Variants in DYNC2I1 observed in about 807,000 individuals in gnomAD.
DYNC2I1 encodes cytoplasmic dynein 2 intermediate chain 1.
In DYNC2I1, 89 loss-of-function variants were observed where a neutral mutation model predicts 133.4. That is an observed-to-expected ratio of 0.67 (90% CI 0.56 to 0.80). The LOEUF (loss-of-function observed/expected upper bound fraction) is 0.80. Among genes scored for constraint, DYNC2I1 ranks in the 30% least tolerant of loss-of-function variants. The pLI, the probability that DYNC2I1 is intolerant of heterozygous loss-of-function variation, is 0.00. For synonymous variants in DYNC2I1, 504 were observed against 484.3 expected (o/e 1.04, Z -0.54); for missense variants, 1,291 against 1,314.5 (o/e 0.98, Z 0.28).
intron 12 of DYNC2I1, among the ~76,000 whole-genome samples, chr7:158,912,713 A>C (rs757495003): frequency 6.6e-6 from 1 of 152,254 alleles, no homozygotes; most frequent in Non-Finnish European, 1.5e-5. Flanking sequence ...TTGCAAAACC[A>C]GCATGTCCTA....
intron 4 of DYNC2I1, among the ~76,000 whole-genome samples, chr7:158,878,325 A>T (rs1227208511): frequency 7.5e-6 from 1 of 132,648 alleles, no homozygotes; most frequent in Non-Finnish European, 1.6e-5. Context: ...AGGAGGGCCG[A>T]CTGTGAGTGC....
At position 158,866,223 on chromosome 7, in the gene DYNC2I1, CCCA is replaced by C. The variant is rs66518959; in HGVS notation, c.16-3630_16-3628del. Among the ~76,000 whole-genome samples, 639 of 152,182 alleles carry C rather than the reference CCCA, an allele frequency of 4.2e-3. 4 individuals carry two copies. The highest frequency in any genetic ancestry group is 7.7e-3 in the Non-Finnish European group (523 of 68,006). On this transcript the variant is annotated intron_variant, in intron 1 of 24. Coordinates refer to ENST00000407559, the MANE Select transcript of DYNC2I1 (RefSeq NM_018051.5). ...TCCTCAGCGTCCCCTGTGTGCAGCG[CCCA>C]CGTCTCCTGGTTGAACTGTCCCCTA...
intron 14 of DYNC2I1, among the ~76,000 whole-genome samples, chr7:158,917,220 A>G (rs1196478937): frequency 8.9e-6 from 1 of 112,558 alleles, no homozygotes; most frequent in East Asian, 2.0e-4. Flanking sequence ...GGTTGAGATT[A>G]AGGATGATTG....
intron 23 of DYNC2I1, among the ~76,000 whole-genome samples, chr7:158,937,140 G>A (rs1850839385): frequency 6.6e-6 from 1 of 152,104 alleles, no homozygotes; most frequent in Non-Finnish European, 1.5e-5. Context: ...TGATCTCCAA[G>A]ACAACACAGA....
At chr7:158,940,265 C>T (rs763085015) in intron 23 of DYNC2I1, among the ~76,000 whole-genome samples, 1 of 152,122 alleles carries the variant, frequency 6.6e-6, no homozygotes, top group Non-Finnish European at 1.5e-5. Flanking sequence ...ATTAGATTCT[C>T]ATGAGGAGAC....
At chr7:158,955,405 G>A (rs1852174865) in intron 4 of DYNC2I1, among the ~76,000 whole-genome samples, 1 of 152,228 alleles carries the variant, frequency 6.6e-6, no homozygotes, top group Non-Finnish European at 1.5e-5. Flanking sequence ...TCCAACAGCT[G>A]AATTAATCGG....
At chr7:158,855,490 CG>C (rs1371472956), upstream of DYNC2I1, among the ~76,000 whole-genome samples, 1 of 152,164 alleles carries the variant, frequency 6.6e-6, no homozygotes, top group African/African-American at 2.4e-5. Flanking sequence ...ACTCCTAAAA[CG>C]TAATTTCTAA....
intron 23 of DYNC2I1, among the ~76,000 whole-genome samples, chr7:158,937,398 G>A (rs530715690): frequency 5.3e-5 from 8 of 151,196 alleles, no homozygotes; most frequent in Admixed American, 1.3e-4. Context: ...AGGCCGAGGC[G>A]GGTGGATCAC....
chr7:158,863,443 G>A (rs967890085), intron 1 of DYNC2I1, among the ~76,000 whole-genome samples: 9 of 152,004 alleles, frequency 5.9e-5, no homozygotes, highest in Non-Finnish European at 1.2e-4. Flanking sequence ...CTGAACTCTA[G>A]CCTGGGTGAC....
chr7:158,857,156 A>G (rs184434137), intron 1 of DYNC2I1, among the ~76,000 whole-genome samples: 1 of 152,312 alleles, frequency 6.6e-6, no homozygotes, highest in Admixed American at 6.5e-5. Flanking sequence ...AGAGGTTGAG[A>G]GAGTGCAGCC....
chr7:158,895,314 G>A (rs1216791215), intron 8 of DYNC2I1, among the ~76,000 whole-genome samples: 6 of 152,172 alleles, frequency 3.9e-5, no homozygotes, highest in Non-Finnish European at 7.3e-5. Flanking sequence ...TTTCGAGTGT[G>A]TTTTCTTGAG....
chr7:158,849,459 A>G, the DYNC2I1 span, among the ~76,000 whole-genome samples: 4 of 152,200 alleles, frequency 2.6e-5, no homozygotes, highest in Non-Finnish European at 5.9e-5. Context: ...GCCTTTGCTC[A>G]AGATCTTTTC....
chr7:158,884,908 A>G (rs1056615555), intron 6 of DYNC2I1, among the ~76,000 whole-genome samples: 3 of 151,916 alleles, frequency 2.0e-5, no homozygotes, highest in Non-Finnish European at 2.9e-5. Flanking sequence ...TTGCCTCAGG[A>G]TCTACTTTTG....
intron 8 of DYNC2I1, among the ~76,000 whole-genome samples, chr7:158,894,354 G>A (rs988787794): frequency 1.2e-4 from 18 of 152,286 alleles, no homozygotes; most frequent in African/African-American, 2.9e-4. Flanking sequence ...CACTCAGTGC[G>A]TTTTGCTTTC....
chr7:158,944,769 C>G (rs1158220313), intron 24 of DYNC2I1, among the ~76,000 whole-genome samples: 1 of 152,192 alleles, frequency 6.6e-6, no homozygotes, highest in Non-Finnish European at 1.5e-5. Flanking sequence ...CAAGTTGGAT[C>G]TCAAAGGACA....
chr7:158,903,179 CTG>C (rs1473029450), intron 10 of DYNC2I1: 1 of 152,344 alleles, frequency 6.6e-6, no homozygotes, highest in East Asian at 1.9e-4. Flanking sequence ...CACAGCTGGA[CTG>C]AGCCTGACAC....
the DYNC2I1 span, among the ~76,000 whole-genome samples, chr7:158,850,561 G>C: frequency 9.8e-5 from 15 of 152,332 alleles, no homozygotes; most frequent in African/African-American, 3.1e-4. Context: ...TGTTAAATGG[G>C]AACTAGTAAG....
At chr7:158,932,628 G>A (rs1409156426) in intron 21 of DYNC2I1, among the ~76,000 whole-genome samples, 2 of 152,176 alleles carry the variant, frequency 1.3e-5, no homozygotes, top group African/African-American at 4.8e-5. Flanking sequence ...GTTGAGCCGA[G>A]GAGCAGCACA....
chr7:158,889,065 A>ACACACC (rs995160680), intron 7 of DYNC2I1, among the ~76,000 whole-genome samples: 1 of 120,288 alleles, frequency 8.3e-6, no homozygotes, highest in African/African-American at 3.2e-5. Flanking sequence ...ACACACACAC[A>ACACACC]CCCCTCCTGT....
Sources: allele counts gnomAD v4.1 joint callset (sites outside exome capture counted in the v4.1 genomes callset), GRCh38; gene constraint gnomAD v4.1.1; transcripts MANE v1.5; gene names NCBI Gene and HGNC (gene_info 2026-07-23, HGNC 2026-07-21).